The following GABBR2 variants were observed in gnomAD, a reference collection of about 807,000 sequenced individuals.
GABBR2 encodes gamma-aminobutyric acid type B receptor subunit 2, also known as G-protein coupled receptor 51.
Under a neutral mutation model 105.6 loss-of-function variants are expected in GABBR2, and 23 were observed. The observed-to-expected ratio is 0.22, with a 90% confidence interval of 0.16 to 0.31. The LOEUF (loss-of-function observed/expected upper bound fraction) is 0.31, where lower values mean the gene tolerates loss of function less well. Ranked by LOEUF, GABBR2 falls within the 10% of genes least tolerant of loss-of-function variation. The pLI, the probability that GABBR2 is intolerant of heterozygous loss-of-function variation, is 1.00. For missense variants in GABBR2, 734 were observed against 1,245.5 expected (o/e 0.59, Z 6.18); for synonymous variants, 478 against 499.7 (o/e 0.96, Z 0.58).
At chr9:98,631,930 C>T (rs1222211136) in intron 1 of GABBR2, among the ~76,000 whole-genome samples, 1 of 152,224 alleles carries the variant, frequency 6.6e-6, no homozygotes, top group African/African-American at 2.4e-5. Context: ...AAGTACTCTA[C>T]ACTACTGATT....
rs142177475 is a variant in GABBR2 at position 98,335,365 on chromosome 9, C to T, written c.1894-24160G>A. 2.5e-3 allele frequency among the ~76,000 whole-genome samples: 386 copies of T among 152,288 alleles called. 3 individuals are homozygous for T. Among genetic ancestry groups the T allele is most frequent in the African/African-American group, 8.7e-3 (361 of 41,572 alleles). ...GATTTTCTGGATTCAGCCTTTTCTTCTTTTACTTTCTAGTCGTAAAAATTT... is the reference window on the plus strand; with the variant it reads ...GATTTTCTGGATTCAGCCTTTTCTTTTTTTACTTTCTAGTCGTAAAAATTT... On this transcript the variant is annotated intron_variant, in intron 13 of 18. Transcript: ENST00000259455.
chr9:98,626,348 A>G (rs1362078958), intron 1 of GABBR2, among the ~76,000 whole-genome samples: 1 of 152,230 alleles, frequency 6.6e-6, no homozygotes, highest in African/African-American at 2.4e-5. Flanking sequence ...CTCTGTGAAT[A>G]TATCAAAAAC....
chr9:98,338,102 A>G (rs1024147768), intron 13 of GABBR2, among the ~76,000 whole-genome samples: 4 of 152,218 alleles, frequency 2.6e-5, no homozygotes, highest in African/African-American at 9.6e-5. Context: ...ACTACCTCAT[A>G]CCATGTACAA....
intron 1 of GABBR2, among the ~76,000 whole-genome samples, chr9:98,599,658 G>A (rs1829295708): frequency 6.6e-6 from 1 of 152,222 alleles, no homozygotes; most frequent in African/African-American, 2.4e-5. Context: ...AGTATGCAGT[G>A]GTGCTGACGG....
At chr9:98,435,422 G>A (rs1564067664) in intron 7 of GABBR2, among the ~76,000 whole-genome samples, 2 of 152,114 alleles carry the variant, frequency 1.3e-5, no homozygotes. Context: ...AGCCCTATCA[G>A]TTTTCTTCCT....
intron 1 of GABBR2, among the ~76,000 whole-genome samples, chr9:98,690,462 A>T (rs1239436281): frequency 6.6e-6 from 1 of 152,230 alleles, no homozygotes; most frequent in Non-Finnish European, 1.5e-5. Flanking sequence ...GATTGTGAGA[A>T]AACCACTGTA....
At chr9:98,608,921 G>A (rs1253635617) in intron 1 of GABBR2, among the ~76,000 whole-genome samples, 1 of 152,038 alleles carries the variant, frequency 6.6e-6, no homozygotes, top group Non-Finnish European at 1.5e-5. Flanking sequence ...AGTAGCAGGG[G>A]GAAAATGCAT....
At chr9:98,706,930 T>C (rs1249254947) in intron 1 of GABBR2, among the ~76,000 whole-genome samples, 1 of 152,142 alleles carries the variant, frequency 6.6e-6, no homozygotes, top group Non-Finnish European at 1.5e-5. Flanking sequence ...GCGATAGGAA[T>C]GTCATTCGGA....
At chr9:98,521,300 G>A (rs536043647) in intron 3 of GABBR2, among the ~76,000 whole-genome samples, 65 of 152,168 alleles carry the variant, frequency 4.3e-4, no homozygotes, top group Non-Finnish European at 8.7e-4. Flanking sequence ...TCTCCTTCCT[G>A]AGAAAGTAGT....
chr9:98,348,678 T>C (rs999025110), intron 13 of GABBR2, among the ~76,000 whole-genome samples: 1 of 152,212 alleles, frequency 6.6e-6, no homozygotes, highest in Non-Finnish European at 1.5e-5. Context: ...CTAGACATTT[T>C]TTGTAGCTAT....
rs2304390 is a variant in GABBR2 at position 98,306,367 on chromosome 9, G to A, written c.2005-22C>T. The A allele has an allele frequency of 0.16, 255,948 of 1,566,896 alleles. 21,585 individuals are homozygous for A. The highest frequency in any genetic ancestry group is 0.26 in the Middle Eastern group (1,588 of 6,004). On this transcript the variant is annotated intron_variant, in intron 14 of 18. Transcript: ENST00000259455. This position sits in a 1 kb window ranked among gnomAD's most constrained non-coding sequence, Gnocchi z 5.4. ...ACAACTGAAATGGTGAACAGAAAGG[G>A]GAGAGATGATCGTTACCAAGGGGTG...
intron 1 of GABBR2, among the ~76,000 whole-genome samples, chr9:98,701,161 C>A (rs1175084780): frequency 6.6e-6 from 1 of 152,156 alleles, no homozygotes; most frequent in Non-Finnish European, 1.5e-5. Flanking sequence ...TGTTACTCTG[C>A]CCACAGGGAA....
At chr9:98,698,881 T>C (rs894853783) in intron 1 of GABBR2, among the ~76,000 whole-genome samples, 3 of 152,170 alleles carry the variant, frequency 2.0e-5, no homozygotes, top group Non-Finnish European at 4.4e-5. Context: ...AAGCTGAGCA[T>C]ACCCAGTTCC....
At chr9:98,318,642 T>C (rs1830762483) in intron 13 of GABBR2, among the ~76,000 whole-genome samples, 1 of 152,082 alleles carries the variant, frequency 6.6e-6, no homozygotes, top group Non-Finnish European at 1.5e-5. Flanking sequence ...GACCTTTTAT[T>C]CCTGCCACCA....
At chr9:98,639,447 T>C (rs1174879324) in intron 1 of GABBR2, among the ~76,000 whole-genome samples, 1 of 152,118 alleles carries the variant, frequency 6.6e-6, no homozygotes, top group Admixed American at 6.5e-5. Context: ...AAATGGACTT[T>C]AGGGACCCAG....
In GABBR2 at chr9:98,653,404, T is replaced by G. The variant is rs571967989; in HGVS notation, c.321+55013A>C. On this transcript the variant is annotated intron_variant, in intron 1 of 18. Coordinates refer to ENST00000259455, the MANE Select transcript of GABBR2 (RefSeq NM_005458.8). ...TTCTTTACCCATAAAAAGAAACTTT[T>G]AAAATAAATGGCTGAAAGAAAATGA... 5.3e-4 allele frequency among the ~76,000 whole-genome samples: 80 copies of G among 152,310 alleles called. 1 individual carries two copies. The highest frequency in any genetic ancestry group is 2.3e-3 in the South Asian group (11 of 4,822).
At chr9:98,630,198 G>A (rs1167771) in intron 1 of GABBR2, among the ~76,000 whole-genome samples, 1 of 152,076 alleles carries the variant, frequency 6.6e-6, no homozygotes, top group Non-Finnish European at 1.5e-5. Context: ...AGGATCACTG[G>A]GTGAGAAGCA....
chr9:98,499,907 C>T (rs772469242), intron 3 of GABBR2, among the ~76,000 whole-genome samples: 19 of 152,006 alleles, frequency 1.2e-4, no homozygotes, highest in Non-Finnish European at 2.6e-4. Flanking sequence ...TAAAAATTAG[C>T]CAGGCATTAG....
chr9:98,488,667 G>C (rs1827111442), intron 4 of GABBR2, among the ~76,000 whole-genome samples: 1 of 151,940 alleles, frequency 6.6e-6, no homozygotes, highest in African/African-American at 2.4e-5. Flanking sequence ...CTTAAGGCAA[G>C]TAAGTTGCAA....
Sources: allele counts gnomAD v4.1 joint callset (sites outside exome capture counted in the v4.1 genomes callset), GRCh38; gene constraint gnomAD v4.1.1; non-coding constraint Gnocchi (gnomAD v3.1); transcripts MANE v1.5; gene names NCBI Gene and HGNC (gene_info 2026-07-23, HGNC 2026-07-21).